The following PHF3 variants were observed in gnomAD, a reference collection of about 807,000 sequenced individuals.
PHF3 encodes the protein PHD finger protein 3.
A neutral mutation model predicts 178.4 loss-of-function variants in PHF3; 41 were observed. The ratio of observed to expected loss-of-function variants is 0.23; its 90% CI spans 0.18 to 0.30. The LOEUF is 0.30. Ranked by LOEUF, PHF3 falls within the 10% of genes least tolerant of loss-of-function variation. The pLI is 1.00. For synonymous variants in PHF3, 842 were observed against 800.5 expected (o/e 1.05, Z -0.88); for missense variants, 2,346 against 2,398.1 (o/e 0.98, Z 0.45).
chr6:63,721,022 A>C lies in PHF3; in HGVS notation c.*7314A>C. The C allele has an allele frequency of 6.4e-7, 1 of 1,551,276 alleles. No individual in the cohort carries two copies. The highest frequency in any genetic ancestry group is 8.7e-7 in the Non-Finnish European group (1 of 1,146,746). ...CAATTGCCAGAAAATCATTTTCTTC[A>C]TTTTGAGCTATTCCCATCCATACAA... On this transcript the variant is annotated 3_prime_UTR_variant, in exon 16 of 16. Transcript: ENST00000262043.
rs1764308320 is a variant in PHF3 at position 63,635,917 on chromosome 6, G to GGGC, written c.-249_-247dup. 3 of 397,970 alleles carry GGGC rather than the reference G, an allele frequency of 7.5e-6. No homozygotes were observed. The highest frequency in any genetic ancestry group is 1.3e-5 in the Non-Finnish European group (3 of 225,692). 24.7% of individuals were successfully genotyped at this position (397,970 alleles called of 1,614,324 possible). Reference sequence around the variant, plus strand: ...ACGCGGCAAGCGACCTTCGGGCTCAGGGCGGCGGCGGCTGCAACGAGGATT... The same window carrying GGGC: ...ACGCGGCAAGCGACCTTCGGGCTCAGGGCGGCGGCGGCGGCTGCAACGAGGATT... On this transcript the variant is annotated 5_prime_UTR_variant, in exon 1 of 16. Coordinates refer to ENST00000262043, the MANE Select transcript of PHF3 (RefSeq NM_001370348.2).
At chr6:63,698,649 A>G in intron 8 of PHF3, 44 bp downstream of exon 8, 6 of 1,334,514 alleles carry the variant, frequency 4.5e-6, no homozygotes, top group Non-Finnish European at 6.1e-6. Context: ...AACTTTCCTG[A>G]GTACATAGGT....
At position 63,691,727 on chromosome 6, in the gene PHF3, T is replaced by C; in HGVS notation, c.2190-10T>C. 1 of 1,552,838 alleles carries C rather than the reference T, an allele frequency of 6.4e-7. No individual in the cohort carries two copies. The highest frequency in any genetic ancestry group is 1.2e-5 in the South Asian group (1 of 82,752). On this transcript the variant is annotated splice_polypyrimidine_tract_variant and intron_variant, in intron 4 of 15. Transcript: ENST00000262043. ...AAGGGATAAAAGTTTTTTGGTGTTC[T>C]GTTTTCCAGGTTTATGGTTGGCTGT...
intron 2 of PHF3, among the ~76,000 whole-genome samples, chr6:63,648,675 GATTT>G (rs1764890277): frequency 6.6e-6 from 1 of 152,014 alleles, no homozygotes; most frequent in African/African-American, 2.4e-5. Context: ...TTTGAGATAC[GATTT>G]ATTATTCGTT....
chr6:63,698,547 C>T lies in PHF3; in HGVS notation c.2924C>T (p.Ala975Val), dbSNP rs1184177269. The T allele has an allele frequency of 6.3e-7, 1 of 1,594,158 alleles. No homozygotes were observed. The highest frequency in any genetic ancestry group is 8.5e-7 in the Non-Finnish European group (1 of 1,172,982). ...TTCTCTTTTTTTCGGGACACAGATG[C>T]TAAATATAAGAACAAATATAGAAGT... Reference protein sequence around the residue: ...ELFSFFRDTDAKYKNKYRSLM... With the variant: ...ELFSFFRDTDVKYKNKYRSLM... The change falls in exon 8 of 16, where the codon GCT becomes GTT. Residue 975 changes from alanine to valine, a missense_variant. Ala to Val is a moderately conservative substitution (Grantham distance 64). Transcript: ENST00000262043.
At chr6:63,648,828 A>G (rs1246499406) in intron 2 of PHF3, among the ~76,000 whole-genome samples, 1 of 152,120 alleles carries the variant, frequency 6.6e-6, no homozygotes. Context: ...GTATATGTAT[A>G]GTGTATATGT....
At position 63,725,274 on chromosome 6, in the gene PHF3, C is replaced by T. The variant is rs796667607; in HGVS notation, c.*11566C>T. On this transcript the variant is annotated 3_prime_UTR_variant, in exon 16 of 16. Coordinates refer to ENST00000262043, the MANE Select transcript of PHF3 (RefSeq NM_001370348.2). ...AATAACAGATGTAAGAAGATGTGCT[C>T]TTGCCCTCCTATGTGTATTAGTGTG... Among the ~76,000 whole-genome samples the T allele has an allele frequency of 6.6e-6, 1 of 152,064 alleles. No homozygotes were observed. Among genetic ancestry groups the T allele is most frequent in the Admixed American group, 6.6e-5 (1 of 15,256 alleles).
intron 2 of PHF3, among the ~76,000 whole-genome samples, chr6:63,678,048 C>A (rs575095349): frequency 5.5e-4 from 84 of 152,028 alleles, no homozygotes; most frequent in African/African-American, 2.0e-3. Flanking sequence ...CATGGCTAAA[C>A]CCCGTCTCTA....
At chr6:63,655,818 T>G (rs1742112823) in intron 2 of PHF3, among the ~76,000 whole-genome samples, 1 of 152,194 alleles carries the variant, frequency 6.6e-6, no homozygotes, top group South Asian at 2.1e-4. Context: ...TTTTTCTTTT[T>G]TTGTTGCAGT....
At chr6:63,697,975 A>T (rs1460288353) in intron 6 of PHF3, among the ~76,000 whole-genome samples, 1 of 152,178 alleles carries the variant, frequency 6.6e-6, no homozygotes, top group African/African-American at 2.4e-5. Context: ...GTTAATTAAT[A>T]TATATGTGTG....
intron 2 of PHF3, among the ~76,000 whole-genome samples, chr6:63,656,767 T>G (rs1358535292): frequency 1.3e-5 from 2 of 152,202 alleles, no homozygotes; most frequent in Admixed American, 1.3e-4. Context: ...CATACTTGAG[T>G]AATGATTTGG....
In PHF3 at chr6:63,712,409, T is replaced by C. The variant is rs1767985459; in HGVS notation, c.4821T>C (p.Asp1607=). 1 of 1,613,912 alleles carries C rather than the reference T, an allele frequency of 6.2e-7. No homozygotes were observed. Among genetic ancestry groups the C allele is most frequent in the Non-Finnish European group, 8.5e-7 (1 of 1,179,896 alleles). Residue 1607 remains aspartate (D), a synonymous_variant, in exon 16 of 16, where the codon GAT becomes GAC. Coordinates refer to ENST00000262043, the MANE Select transcript of PHF3 (RefSeq NM_001370348.2). ...LQEDQENNLQ[D]NQTSNSSPCR... ...AAGATCAAGAGAATAATTTGCAAGA[T>C]AACCAGACTTCAAATAGTTCTCCAT...
At chr6:63,692,816 A>G (rs910848026) in intron 5 of PHF3, among the ~76,000 whole-genome samples, 7 of 152,164 alleles carry the variant, frequency 4.6e-5, no homozygotes, top group African/African-American at 1.4e-4. Context: ...TTAAGCATCT[A>G]ATTGTCAGAA....
intron 2 of PHF3, among the ~76,000 whole-genome samples, chr6:63,675,502 TG>T (rs1294213090): frequency 6.6e-6 from 1 of 152,146 alleles, no homozygotes; most frequent in Non-Finnish European, 1.5e-5. Context: ...CTTCTGTTGT[TG>T]GGGCTCTTGA....
intron 5 of PHF3, among the ~76,000 whole-genome samples, chr6:63,692,634 A>T (rs1278727162): frequency 6.6e-6 from 1 of 152,218 alleles, no homozygotes; most frequent in Admixed American, 6.5e-5. Flanking sequence ...CAACACATGT[A>T]TGTGGTTAGG....
chr6:63,668,509 T>A (rs1765772505), intron 2 of PHF3, among the ~76,000 whole-genome samples: 1 of 152,122 alleles, frequency 6.6e-6, no homozygotes, highest in Non-Finnish European at 1.5e-5. Flanking sequence ...ATTTATTTTT[T>A]ATTTTTTATT....
intron 2 of PHF3, among the ~76,000 whole-genome samples, chr6:63,664,347 C>T (rs1274494034): frequency 6.6e-6 from 1 of 152,114 alleles, no homozygotes; most frequent in African/African-American, 2.4e-5. Flanking sequence ...ATCATTTGCT[C>T]GTATCAGAAA....
chr6:63,656,749 A>G (rs1377118674), intron 2 of PHF3, among the ~76,000 whole-genome samples: 4 of 152,140 alleles, frequency 2.6e-5, no homozygotes, highest in South Asian at 4.1e-4. Flanking sequence ...GTAATTTTCT[A>G]ATACTCTCAT....
In PHF3 at chr6:63,714,382, C is replaced by T. The variant is rs1582132972; in HGVS notation, c.*674C>T. On this transcript the variant is annotated 3_prime_UTR_variant, in exon 16 of 16. Transcript: ENST00000262043. ...TGTACATGATCTTGTGTTTTGCTAT[C>T]CTTTTTACTGTAAAATGTAAATATT... The T allele has an allele frequency of 1.3e-5, 2 of 152,356 alleles. No homozygotes were observed. Among genetic ancestry groups the T allele is most frequent in the East Asian group, 3.8e-4 (2 of 5,196 alleles). The allele number at this position is 152,356 out of a possible 1,614,324, so 9.4% of individuals were successfully genotyped here.
Sources: allele counts gnomAD v4.1 joint callset (sites outside exome capture counted in the v4.1 genomes callset), GRCh38; gene constraint gnomAD v4.1.1; transcripts MANE v1.5; gene names NCBI Gene and HGNC (gene_info 2026-07-23, HGNC 2026-07-21).